Variants in ADAMTS17 observed in about 807,000 individuals in gnomAD.
ADAMTS17 encodes ADAM metallopeptidase with thrombospondin type 1 motif 17, also known as A disintegrin and metalloproteinase with thrombospondin motifs 17.
ADAMTS17 carries 113 observed loss-of-function variants against 141.5 expected under a neutral mutation model. That is an observed-to-expected ratio of 0.80 (90% confidence interval 0.69 to 0.93). The LOEUF (loss-of-function observed/expected upper bound fraction) is 0.93. Ranked by LOEUF, ADAMTS17 falls within the 40% of genes least tolerant of loss-of-function variation. ADAMTS17 has a pLI of 0.00. For synonymous variants in ADAMTS17, 768 were observed against 630.6 expected, an observed-to-expected ratio of 1.22 and a Z score of -3.27; for missense variants, 1,659 against 1,517.9, an observed-to-expected ratio of 1.09 and a Z score of -1.54.
chr15:100,341,195 G>A lies in ADAMTS17; in HGVS notation c.294C>T (p.Arg98=), dbSNP rs1387331511. The change falls in exon 2 of 22, where the codon CGC becomes CGT. Residue 98 remains arginine, a synonymous_variant. Transcript: ENST00000268070. The part of the protein sequence containing the change: ...FGRDLYLQLR[R]DLRFLSRGFE... Reference sequence around the variant, plus strand: ...AGCCTCGGGACAGGAAGCGCAGGTCGCGGCGCAGCTGAAGGTACAGGTCGC... The same window carrying A: ...AGCCTCGGGACAGGAAGCGCAGGTCACGGCGCAGCTGAAGGTACAGGTCGC... 8.9e-6 allele frequency: 13 copies of A among 1,462,508 alleles called. No homozygotes were observed. Among genetic ancestry groups the A allele is most frequent in the Non-Finnish European group, 1.2e-5 (13 of 1,110,856 alleles). The allele number at this position is 1,462,508 out of a possible 1,614,324, so 90.6% of individuals were successfully genotyped here.
At chr15:100,032,526 G>A (rs1222842898) in intron 18 of ADAMTS17, among the ~76,000 whole-genome samples, 1 of 152,080 alleles carries the variant, frequency 6.6e-6, no homozygotes, top group African/African-American at 2.4e-5. Context: ...TCACTTCCAG[G>A]GAAAGGAACC....
At chr15:100,065,401 T>G (rs1182884352) in intron 15 of ADAMTS17, among the ~76,000 whole-genome samples, 3 of 152,156 alleles carry the variant, frequency 2.0e-5, no homozygotes. Flanking sequence ...CTATATGAGG[T>G]GTTCTGTAGC....
At chr15:100,229,836 G>A (rs531743468) in intron 7 of ADAMTS17, among the ~76,000 whole-genome samples, 1 of 152,312 alleles carries the variant, frequency 6.6e-6, no homozygotes, top group African/African-American at 2.4e-5. Context: ...GTGAAGTATG[G>A]AGCTCCAGTG....
intron 21 of ADAMTS17, among the ~76,000 whole-genome samples, chr15:99,975,393 A>G (rs2141259104): frequency 6.6e-6 from 1 of 152,230 alleles, no homozygotes; most frequent in South Asian, 2.1e-4. Flanking sequence ...TATTTTTAGT[A>G]GAGAAGGGGT....
At chr15:100,146,042 G>A (rs145690294) in intron 10 of ADAMTS17, among the ~76,000 whole-genome samples, 74 of 152,254 alleles carry the variant, frequency 4.9e-4, no homozygotes, top group East Asian at 1.5e-3. Context: ...GTGTGGTGGC[G>A]CATGCCTGTA....
chr15:100,159,091 T>C (rs1044704631), intron 8 of ADAMTS17, among the ~76,000 whole-genome samples: 1 of 152,164 alleles, frequency 6.6e-6, no homozygotes, highest in African/African-American at 2.4e-5. Context: ...AAAATAAAAC[T>C]ACTGCATGAT....
chr15:100,136,974 G>C, intron 10 of ADAMTS17, among the ~76,000 whole-genome samples: 1 of 152,174 alleles, frequency 6.6e-6, no homozygotes, highest in Non-Finnish European at 1.5e-5. Context: ...GAGTGATGCT[G>C]ATACAGACAC....
Position 100,006,065 on chromosome 15 carries a change from C to A in ADAMTS17, c.2592-8476G>T, listed in dbSNP as rs568595033. 6.6e-5 allele frequency among the ~76,000 whole-genome samples: 10 copies of A among 152,268 alleles called. No homozygotes were observed. In the East Asian group the frequency reaches 1.9e-3, roughly 29 times the overall value. The stretch of plus-strand genomic sequence containing the variant: ...GATACCTGTCATATCAGATCAGGGC[C>A]CAACCCTACTTCAGTATGATATCAT... On this transcript the variant is annotated intron_variant, in intron 18 of 21. Transcript: ENST00000268070.
intron 14 of ADAMTS17, among the ~76,000 whole-genome samples, chr15:100,099,851 T>A (rs1347553284): frequency 6.6e-6 from 1 of 152,288 alleles, no homozygotes; most frequent in African/African-American, 2.4e-5. Flanking sequence ...GCTTTAGTGC[T>A]CAGATCCGTG....
intron 10 of ADAMTS17, among the ~76,000 whole-genome samples, chr15:100,136,040 C>A (rs1206168326): frequency 2.0e-5 from 3 of 152,184 alleles, no homozygotes; most frequent in Admixed American, 6.5e-5. Flanking sequence ...AAGCTGAAGA[C>A]ACACACATTC....
chr15:100,246,395 A>G (rs1198840819), intron 7 of ADAMTS17, among the ~76,000 whole-genome samples: 3 of 152,236 alleles, frequency 2.0e-5, no homozygotes, highest in Non-Finnish European at 4.4e-5. Flanking sequence ...AGCATACTTG[A>G]TTCCCAAAAT....
chr15:100,204,073 AT>A (rs2041442432), intron 7 of ADAMTS17, among the ~76,000 whole-genome samples: 1 of 152,194 alleles, frequency 6.6e-6, no homozygotes, highest in Non-Finnish European at 1.5e-5. Flanking sequence ...TAGAAGCATA[AT>A]TTTGTAGACA....
At chr15:100,166,195 G>A (rs1169569810) in intron 8 of ADAMTS17, among the ~76,000 whole-genome samples, 1 of 152,142 alleles carries the variant, frequency 6.6e-6, no homozygotes, top group African/African-American at 2.4e-5. Context: ...TTGAAACCGT[G>A]AATAAGATCT....
intron 15 of ADAMTS17, among the ~76,000 whole-genome samples, chr15:100,057,585 A>G (rs1340988325): frequency 6.6e-6 from 1 of 152,108 alleles, no homozygotes; most frequent in Non-Finnish European, 1.5e-5. Flanking sequence ...TGCCCATGAC[A>G]CGGCATCTGT....
At chr15:100,066,620 G>A (rs983199292) in intron 15 of ADAMTS17, among the ~76,000 whole-genome samples, 1 of 152,118 alleles carries the variant, frequency 6.6e-6, no homozygotes, top group Non-Finnish European at 1.5e-5. Flanking sequence ...GTGTTCTTGG[G>A]CATTTGATTC....
chr15:100,111,791 A>G (rs1050021391), intron 13 of ADAMTS17, among the ~76,000 whole-genome samples: 2 of 152,210 alleles, frequency 1.3e-5, no homozygotes, highest in Admixed American at 6.5e-5. Context: ...CTAAGTAGTT[A>G]TCTATTCGTT....
intron 14 of ADAMTS17, among the ~76,000 whole-genome samples, chr15:100,102,281 C>T (rs1385047650): frequency 3.3e-5 from 5 of 150,262 alleles, no homozygotes; most frequent in African/African-American, 9.8e-5. Flanking sequence ...GAAGCCCGAC[C>T]GAAGGAGATC....
chr15:100,193,885 G>A (rs957571356), intron 8 of ADAMTS17, among the ~76,000 whole-genome samples: 11 of 152,318 alleles, frequency 7.2e-5, no homozygotes, highest in East Asian at 1.9e-4. Context: ...GCTCCTTCCC[G>A]AGGAGAGGCT....
chr15:100,103,997 T>C (rs2036275183), intron 14 of ADAMTS17, among the ~76,000 whole-genome samples: 1 of 152,204 alleles, frequency 6.6e-6, no homozygotes, highest in South Asian at 2.1e-4. Context: ...TGGCTTGGTA[T>C]TCATCAAGCC....
Sources: gnomAD v4.1 joint callset for allele counts (sites outside exome capture counted in the v4.1 genomes callset) on GRCh38, gnomAD v4.1.1 for gene constraint, MANE v1.5 for transcripts, NCBI Gene and HGNC (gene_info 2026-07-23, HGNC 2026-07-21) for gene names.